ZFAT: variants seen among roughly 807,000 people sequenced by gnomAD.
ZFAT encodes the protein zinc finger and AT-hook domain containing.
A neutral mutation model predicts 117.7 loss-of-function variants in ZFAT; 64 were observed. The observed-to-expected ratio is 0.54, with a 90% confidence interval of 0.44 to 0.67. The LOEUF (loss-of-function observed/expected upper bound fraction) is 0.67, where lower values mean the gene tolerates loss of function less well. Among genes scored for constraint, ZFAT ranks in the 30% least tolerant of loss-of-function variants. ZFAT has a pLI of 0.00. For missense variants in ZFAT, 1,433 were observed against 1,584.5 expected (o/e 0.90, Z 1.62); for synonymous variants, 679 against 615.0 (o/e 1.10, Z -1.54).
At chr8:134,811,040 G>C in the ZFAT span, among the ~76,000 whole-genome samples, 2 of 151,860 alleles carry the variant, frequency 1.3e-5, no homozygotes, top group Non-Finnish European at 2.9e-5. Flanking sequence ...ACACAGAAGA[G>C]AGAAACAACC....
rs555435832 is a variant in ZFAT, at chr8:134,502,807, C to T, written c.3492+6812G>A. Among the ~76,000 whole-genome samples the T allele has an allele frequency of 3.9e-5, 6 of 152,330 alleles. No individual in the cohort carries two copies. In the South Asian group the frequency reaches 6.2e-4, roughly 16 times the overall value. On this transcript the variant is annotated intron_variant, in intron 15 of 15. Coordinates refer to ENST00000377838, the MANE Select transcript of ZFAT (RefSeq NM_020863.4). ...AGGCAGAATAATTCTGTGCTGTGCC[C>T]GGCTAAGGGCCTTCATGGGGAAGAG...
At chr8:134,558,710 TA>T (rs1254769134) in intron 11 of ZFAT, among the ~76,000 whole-genome samples, 1 of 152,164 alleles carries the variant, frequency 6.6e-6, no homozygotes, top group African/African-American at 2.4e-5. Context: ...TTTCAAGAGA[TA>T]GGGGAGGAAA....
upstream of ZFAT, among the ~76,000 whole-genome samples, chr8:134,713,883 C>T (rs111258852): frequency 0.021 from 234 of 11,254 alleles, 1 homozygote; most frequent in African/African-American, 0.082. Context: ...TATCTCCCTC[C>T]CTTACCTCTG....
At chr8:134,759,426 C>T in the ZFAT span, among the ~76,000 whole-genome samples, 2 of 152,180 alleles carry the variant, frequency 1.3e-5, no homozygotes, top group Non-Finnish European at 2.9e-5. Flanking sequence ...ACTGAAAGGC[C>T]TGGAACCCCA....
Position 134,601,776 on chromosome 8 carries a change from T to C in ZFAT, c.1943A>G (p.His648Arg). Residue 648 changes from histidine to arginine, a missense_variant, in exon 6 of 16, where the codon CAT (histidine) becomes CGT (arginine). Transcript: ENST00000377838. ...AQSAGSDQESHGAQSPLGEGQ... is the reference protein window; with the variant it reads ...AQSAGSDQESRGAQSPLGEGQ... ...TTCCCCTAGGGGGCTCTGGGCGCCA[T>C]GGCTTTCCTGATCTGACCCAGCACT... is the stretch of plus-strand genomic sequence containing the variant. The C allele has an allele frequency of 6.2e-7, 1 of 1,613,930 alleles. No individual in the cohort carries two copies.
chr8:134,816,576 T>A, the ZFAT span, among the ~76,000 whole-genome samples: 1 of 152,106 alleles, frequency 6.6e-6, no homozygotes, highest in Non-Finnish European at 1.5e-5. Context: ...TAGAGGGTAA[T>A]CCTAATTTCA....
the ZFAT span, among the ~76,000 whole-genome samples, chr8:134,781,746 A>AC: frequency 6.6e-6 from 1 of 151,726 alleles, no homozygotes; most frequent in African/African-American, 2.4e-5. Context: ...AGCTAGATCA[A>AC]CCCCCCTCTT....
chr8:134,509,813 A>G lies in ZFAT; in HGVS notation c.3362-64T>C, dbSNP rs74345328. Reference sequence around the variant, plus strand: ...CTGGTGCTGAAGGACATGGAATGCAAAACCAGCCTGTCTGTTCTCTCGGGT... The same window carrying G: ...CTGGTGCTGAAGGACATGGAATGCAGAACCAGCCTGTCTGTTCTCTCGGGT... On this transcript the variant is annotated intron_variant, in intron 14 of 15. Coordinates refer to ENST00000377838, the MANE Select transcript of ZFAT (RefSeq NM_020863.4). 4,643 of 1,528,528 alleles carry G rather than the reference A, an allele frequency of 3.0e-3. 123 individuals carry two copies. In the African/African-American group the frequency reaches 0.056, roughly 18 times the overall value. The allele number at this position is 1,528,528 out of a possible 1,614,324, so 94.7% of individuals were successfully genotyped here.
chr8:134,699,424 G>A (rs1034697997), intron 1 of ZFAT, among the ~76,000 whole-genome samples: 1 of 152,166 alleles, frequency 6.6e-6, no homozygotes, highest in Non-Finnish European at 1.5e-5. Context: ...CACTCCTAGT[G>A]AGGAGTGGAC....
At chr8:134,600,777 T>C in intron 6 of ZFAT, 109 bp from the exon 7 acceptor site, 1 of 863,308 alleles carries the variant, frequency 1.2e-6, no homozygotes, top group South Asian at 2.0e-5. Flanking sequence ...CTCTTGCGCT[T>C]GTCCGGGTCA....
intron 13 of ZFAT, among the ~76,000 whole-genome samples, chr8:134,519,851 C>A (rs941100088): frequency 6.6e-6 from 1 of 151,944 alleles, no homozygotes; most frequent in Admixed American, 6.6e-5. Flanking sequence ...AAGGATGTAT[C>A]CATCAAATTC....
chr8:134,648,241 C>A (rs1423129606), intron 2 of ZFAT, among the ~76,000 whole-genome samples: 3 of 150,564 alleles, frequency 2.0e-5, no homozygotes, highest in Non-Finnish European at 4.4e-5. Context: ...AAATCAATAG[C>A]CTACCCTTTC....
the ZFAT span, among the ~76,000 whole-genome samples, chr8:134,719,594 G>C: frequency 2.0e-5 from 3 of 152,136 alleles, no homozygotes; most frequent in Admixed American, 2.0e-4. Flanking sequence ...GTGGGGAGTG[G>C]CAATGACACT....
At chr8:134,623,887 G>C (rs927325821) in intron 3 of ZFAT, among the ~76,000 whole-genome samples, 2 of 151,876 alleles carry the variant, frequency 1.3e-5, no homozygotes, top group Non-Finnish European at 2.9e-5. Flanking sequence ...CTGCTCTCCA[G>C]GCTGCTAGAG....
At chr8:134,500,334 T>TG (rs1202752414) in intron 15 of ZFAT, among the ~76,000 whole-genome samples, 1 of 152,172 alleles carries the variant, frequency 6.6e-6, no homozygotes, top group Non-Finnish European at 1.5e-5. Flanking sequence ...TGTAGCTTCT[T>TG]GGGGCATAAT....
At chr8:134,611,751 A>G (rs1828344668) in intron 3 of ZFAT, among the ~76,000 whole-genome samples, 1 of 152,234 alleles carries the variant, frequency 6.6e-6, no homozygotes, top group South Asian at 2.1e-4. Context: ...AAGGGAAACA[A>G]TGCCTGGGGC....
the ZFAT span, among the ~76,000 whole-genome samples, chr8:134,759,528 A>G: frequency 6.6e-6 from 1 of 152,040 alleles, no homozygotes; most frequent in African/African-American, 2.4e-5. Flanking sequence ...CCTTTGGTGG[A>G]GGGAGGATGG....
chr8:134,600,326 CTA>C (rs1586788289), intron 7 of ZFAT, 108 bp downstream of exon 7: 1 of 1,000,700 alleles, frequency 1.0e-6, no homozygotes, highest in Non-Finnish European at 1.6e-6. Flanking sequence ...AAGGATCTCT[CTA>C]TGTTTTCAGG....
chr8:134,699,179 T>G (rs1273372662), intron 1 of ZFAT, among the ~76,000 whole-genome samples: 3 of 152,184 alleles, frequency 2.0e-5, no homozygotes, highest in Middle Eastern at 6.8e-3. Flanking sequence ...GGTCCACACC[T>G]GAGAGCAGGT....
Sources: gnomAD v4.1 joint callset for allele counts (sites outside exome capture counted in the v4.1 genomes callset) on GRCh38, gnomAD v4.1.1 for gene constraint, MANE v1.5 for transcripts, NCBI Gene and HGNC (gene_info 2026-07-23, HGNC 2026-07-21) for gene names.